Variants in PAPPA2 observed in about 807,000 individuals in gnomAD.
PAPPA2 encodes the protein pappalysin 2, also known as pappalysin-2.
In PAPPA2, 86 loss-of-function variants were observed where a neutral mutation model predicts 176.4. That is an observed-to-expected ratio of 0.49 (90% CI 0.41 to 0.58). The LOEUF is 0.58. Ranked by LOEUF, PAPPA2 falls within the 20% of genes least tolerant of loss-of-function variation. The pLI is 0.00. For synonymous variants in PAPPA2, 809 were observed against 852.2 expected, an observed-to-expected ratio of 0.95 and a Z score of 0.88; for missense variants, 2,073 against 2,256.9, an observed-to-expected ratio of 0.92 and a Z score of 1.65.
chr1:176,560,653 C>T (rs886862227), intron 2 of PAPPA2, among the ~76,000 whole-genome samples: 13 of 152,196 alleles, frequency 8.5e-5, no homozygotes, highest in Non-Finnish European at 7.3e-5. Context: ...GAGAACTGGA[C>T]GTAAGCCAAA....
rs1385339317 is a variant in PAPPA2 at position 176,670,951 on chromosome 1, C to T, written c.1992-19C>T. 2 of 1,610,774 alleles carry T rather than the reference C, an allele frequency of 1.2e-6. No homozygotes were observed. Among genetic ancestry groups the T allele is most frequent in the African/African-American group, 2.7e-5 (2 of 74,688 alleles). On this transcript the variant is annotated intron_variant, in intron 3 of 22. Coordinates refer to ENST00000367662, the MANE Select transcript of PAPPA2 (RefSeq NM_020318.3). ...CCAATTCTTTGCTGTGACATTTTTTCATCTTGCATGCTCTCTAGGGCATAC... is the reference window on the plus strand; with the variant it reads ...CCAATTCTTTGCTGTGACATTTTTTTATCTTGCATGCTCTCTAGGGCATAC...
chr1:176,486,234 T>C (rs1354064682), intron 1 of PAPPA2, among the ~76,000 whole-genome samples: 2 of 152,226 alleles, frequency 1.3e-5, no homozygotes, highest in Non-Finnish European at 2.9e-5. Flanking sequence ...AAAATAATCC[T>C]TATGCCAAAG....
chr1:176,620,655 A>G (rs900821099), intron 3 of PAPPA2, among the ~76,000 whole-genome samples: 1 of 152,202 alleles, frequency 6.6e-6, no homozygotes, highest in Non-Finnish European at 1.5e-5. Context: ...TTACAAAAAT[A>G]GTTTCTTGCC....
chr1:176,734,942 G>A (rs1662329698), intron 12 of PAPPA2, among the ~76,000 whole-genome samples: 1 of 151,978 alleles, frequency 6.6e-6, no homozygotes, highest in Non-Finnish European at 1.5e-5. Context: ...GGGAGTAAAA[G>A]CACAAACATC....
At chr1:176,481,136 T>G (rs1652373845) in intron 1 of PAPPA2, among the ~76,000 whole-genome samples, 1 of 152,126 alleles carries the variant, frequency 6.6e-6, no homozygotes, top group Non-Finnish European at 1.5e-5. Flanking sequence ...TTTCTGAATA[T>G]TGGATTAAGA....
At chr1:176,474,557 G>A (rs1371302371) in intron 1 of PAPPA2, among the ~76,000 whole-genome samples, 1 of 152,212 alleles carries the variant, frequency 6.6e-6, no homozygotes, top group African/African-American at 2.4e-5. Context: ...AGACTACAGA[G>A]TCCAGCAGGA....
At chr1:176,490,467 T>A (rs2102492637) in intron 1 of PAPPA2, among the ~76,000 whole-genome samples, 1 of 152,246 alleles carries the variant, frequency 6.6e-6, no homozygotes, top group Non-Finnish European at 1.5e-5. Context: ...CCTCTCTGCT[T>A]GCCTGTAAAA....
intron 1 of PAPPA2, among the ~76,000 whole-genome samples, chr1:176,529,804 C>T (rs1314448310): frequency 6.6e-6 from 1 of 152,058 alleles, no homozygotes; most frequent in Non-Finnish European, 1.5e-5. Flanking sequence ...TGGCCACTTG[C>T]CTTTTTTATC....
intron 14 of PAPPA2, among the ~76,000 whole-genome samples, chr1:176,764,627 C>T (rs1052677334): frequency 6.8e-5 from 10 of 147,464 alleles, no homozygotes; most frequent in Admixed American, 3.4e-4. Context: ...GACGGAGTCT[C>T]GCTCTGTCGC....
At chr1:176,775,245 G>A (rs531037296) in intron 17 of PAPPA2, among the ~76,000 whole-genome samples, 1 of 152,156 alleles carries the variant, frequency 6.6e-6, no homozygotes, top group South Asian at 2.1e-4. Context: ...TTATTGGCAG[G>A]TATTCAATAC....
chr1:176,659,656 A>T (rs1371627877), intron 3 of PAPPA2, among the ~76,000 whole-genome samples: 1 of 152,164 alleles, frequency 6.6e-6, no homozygotes, highest in Non-Finnish European at 1.5e-5. Context: ...ACAGATACAT[A>T]AATCATTTGT....
At chr1:176,610,350 G>T (rs1025038359) in intron 3 of PAPPA2, among the ~76,000 whole-genome samples, 28 of 150,754 alleles carry the variant, frequency 1.9e-4, no homozygotes, top group Admixed American at 1.4e-3. Flanking sequence ...TGTGTGGGGG[G>T]GGGGAGTAGG....
chr1:176,528,606 T>C lies in PAPPA2; in HGVS notation c.-916-26801T>C, dbSNP rs141595296. Among the ~76,000 whole-genome samples the C allele has an allele frequency of 1.9e-4, 29 of 152,366 alleles. No homozygotes were observed. In the East Asian group the frequency reaches 4.8e-3, roughly 25 times the overall value. The stretch of plus-strand genomic sequence containing the variant: ...TTCAAGTGGACTTTTAGATATGCAA[T>C]CATTCACAATTCTGTCTTTTGTTGT... On this transcript the variant is annotated intron_variant, in intron 1 of 22. Coordinates refer to ENST00000367662, the MANE Select transcript of PAPPA2 (RefSeq NM_020318.3).
At chr1:176,587,153 A>T (rs1653365661) in intron 2 of PAPPA2, among the ~76,000 whole-genome samples, 1 of 151,046 alleles carries the variant, frequency 6.6e-6, no homozygotes, top group South Asian at 2.1e-4. Flanking sequence ...TTTTTCTTGT[A>T]AATATGCTTA....
chr1:176,540,158 T>G (rs1449358965), intron 1 of PAPPA2, among the ~76,000 whole-genome samples: 1 of 152,180 alleles, frequency 6.6e-6, no homozygotes, highest in African/African-American at 2.4e-5. Flanking sequence ...ACACAAATAA[T>G]AAGACACAAG....
intron 3 of PAPPA2, among the ~76,000 whole-genome samples, chr1:176,644,923 G>T (rs558796311): frequency 6.6e-6 from 1 of 151,678 alleles, no homozygotes; most frequent in African/African-American, 2.4e-5. Flanking sequence ...CAGGTGCAGC[G>T]CCACAAGTAC....
intron 3 of PAPPA2, among the ~76,000 whole-genome samples, chr1:176,623,994 C>T (rs1034334446): frequency 6.6e-6 from 1 of 151,838 alleles, no homozygotes; most frequent in Non-Finnish European, 1.5e-5. Context: ...GTGCATGCCA[C>T]CATGTCCAGC....
intron 12 of PAPPA2, among the ~76,000 whole-genome samples, chr1:176,735,728 CTATCT>C (rs1662377907): frequency 7.4e-6 from 1 of 135,112 alleles, no homozygotes; most frequent in African/African-American, 2.8e-5. Context: ...ATCTATCTAT[CTATCT>C]ATCTATCATC....
At chr1:176,499,596 G>T (rs192184830) in intron 1 of PAPPA2, among the ~76,000 whole-genome samples, 5 of 152,234 alleles carry the variant, frequency 3.3e-5, no homozygotes, top group East Asian at 1.9e-4. Context: ...TTGACTTCTA[G>T]CCCAGATCTG....
Sources: gnomAD v4.1 joint callset for allele counts (sites outside exome capture counted in the v4.1 genomes callset) on GRCh38, gnomAD v4.1.1 for gene constraint, MANE v1.5 for transcripts, NCBI Gene and HGNC (gene_info 2026-07-23, HGNC 2026-07-21) for gene names.